The following CACNA1C variants were observed in gnomAD, a reference collection of about 807,000 sequenced individuals.
CACNA1C encodes voltage-dependent L-type calcium channel subunit alpha-1C.
In CACNA1C, 30 loss-of-function variants were observed where a neutral mutation model predicts 229.0. The ratio of observed to expected loss-of-function variants is 0.13; its 90% CI spans 0.10 to 0.18. CACNA1C has a LOEUF of 0.18. Among genes scored for constraint, CACNA1C ranks in the 10% least tolerant of loss-of-function variants. The probability of loss-of-function intolerance (pLI) is 1.00; values close to 1 mark genes in which losing one functional copy is unlikely to be tolerated. For missense variants in CACNA1C, 1,658 were observed against 2,845.0 expected (o/e 0.58, Z 9.49); for synonymous variants, 1,114 against 1,132.5 (o/e 0.98, Z 0.33).
chr12:2,603,822 C>T (rs559160980), intron 22 of CACNA1C: 3 of 152,312 alleles, frequency 2.0e-5, no homozygotes, highest in South Asian at 2.1e-4. Flanking sequence ...ATTTATTTAA[C>T]GTGTATACAC....
intron 28 of CACNA1C, 90 bp from the exon 29 acceptor site, chr12:2,611,813 C>A: frequency 1.3e-6 from 1 of 763,064 alleles, no homozygotes. Context: ...CTTGCTGAGG[C>A]GAGGGCCTTC....
At chr12:2,480,491 G>A (rs1258780440) in intron 5 of CACNA1C, among the ~76,000 whole-genome samples, 1 of 152,208 alleles carries the variant, frequency 6.6e-6, no homozygotes, top group Non-Finnish European at 1.5e-5. Flanking sequence ...AGCTCTGTGA[G>A]GGCAAGGCCT....
chr12:2,195,411 T>C (rs1008192474), intron 3 of CACNA1C, among the ~76,000 whole-genome samples: 1 of 152,222 alleles, frequency 6.6e-6, no homozygotes, highest in African/African-American at 2.4e-5. Flanking sequence ...TCTCTGGGCC[T>C]CAGTTTCTCC....
chr12:2,696,668 G>A lies in CACNA1C; in HGVS notation c.*5469G>A, dbSNP rs1361701251. 1.3e-5 allele frequency: 2 copies of A among 151,686 alleles called. No homozygotes were observed. The highest frequency in any genetic ancestry group is 4.8e-5 in the African/African-American group (2 of 41,258). The allele number at this position is 151,686 out of a possible 1,614,324, so 9.4% of individuals were successfully genotyped here. A position where few individuals can be genotyped will look rare whatever the true frequency, so the allele number is the denominator to read the frequency against. On this transcript the variant is annotated 3_prime_UTR_variant, in exon 47 of 47. Coordinates refer to ENST00000399655, the MANE Select transcript of CACNA1C (RefSeq NM_000719.7). ...AGTTTTAAGAGAGGGTCATTTCTATGTGAGGAAATGCAGAAATGGACAGAA... is the reference window on the plus strand; with the variant it reads ...AGTTTTAAGAGAGGGTCATTTCTATATGAGGAAATGCAGAAATGGACAGAA...
chr12:2,096,993 G>C (rs1009609091), intron 1 of CACNA1C, among the ~76,000 whole-genome samples: 28 of 152,096 alleles, frequency 1.8e-4, no homozygotes, highest in Admixed American at 1.8e-3. Flanking sequence ...CGGACACTTG[G>C]GTTGTTTCTA....
chr12:2,584,943 G>T (rs1015651946), intron 16 of CACNA1C, among the ~76,000 whole-genome samples: 2 of 152,184 alleles, frequency 1.3e-5, no homozygotes, highest in African/African-American at 4.8e-5. Context: ...CGCAGCTCCA[G>T]CTTACAGAGG....
chr12:2,368,734 AG>A (rs1267584401), intron 3 of CACNA1C, among the ~76,000 whole-genome samples: 1 of 152,218 alleles, frequency 6.6e-6, no homozygotes, highest in African/African-American at 2.4e-5. Context: ...TCAACAGCCC[AG>A]GGTGTATTTT....
At chr12:2,400,616 G>A (rs1167280344) in intron 3 of CACNA1C, among the ~76,000 whole-genome samples, 1 of 152,134 alleles carries the variant, frequency 6.6e-6, no homozygotes, top group Non-Finnish European at 1.5e-5. Context: ...CATCTTCTCT[G>A]AACACCTCAG....
At chr12:2,452,584 A>G (rs573478432) in intron 4 of CACNA1C, among the ~76,000 whole-genome samples, 2 of 152,280 alleles carry the variant, frequency 1.3e-5, no homozygotes, top group East Asian at 1.9e-4. Context: ...ACCCTCAGGG[A>G]CCAGTGGGCA....
intron 3 of CACNA1C, among the ~76,000 whole-genome samples, chr12:2,332,271 A>G (rs1396891203): frequency 6.6e-6 from 1 of 152,234 alleles, no homozygotes; most frequent in Non-Finnish European, 1.5e-5. Flanking sequence ...AATGTTAGCA[A>G]TTGGACCATC....
At position 2,215,816 on chromosome 12, in the gene CACNA1C, A is replaced by AGGCC. The variant is rs1050982147; in HGVS notation, c.477+95387_477+95390dup. 1.3e-5 allele frequency among the ~76,000 whole-genome samples: 2 copies of AGGCC among 152,242 alleles called. No individual in the cohort carries two copies. Among genetic ancestry groups the AGGCC allele is most frequent in the African/African-American group, 4.8e-5 (2 of 41,464 alleles). On this transcript the variant is annotated intron_variant, in intron 3 of 46. Transcript: ENST00000399655. The surrounding 1 kb of genome is among the most constrained non-coding windows in gnomAD (Gnocchi z 5.0). ...GTGAGTTGAAGGGCCCTGGAGCCCC[A>AGGCC]GGCCTGCCTGCCTGGGGAGCAGCTG...
At chr12:2,543,456 C>T (rs754245877) in intron 9 of CACNA1C, among the ~76,000 whole-genome samples, 6 of 152,202 alleles carry the variant, frequency 3.9e-5, no homozygotes, top group Non-Finnish European at 8.8e-5. Flanking sequence ...ACAATTTGGA[C>T]ATTCAGCTTC....
intron 3 of CACNA1C, among the ~76,000 whole-genome samples, chr12:2,374,127 A>T (rs2097954012): frequency 6.6e-6 from 1 of 152,194 alleles, no homozygotes; most frequent in Non-Finnish European, 1.5e-5. Flanking sequence ...TAGACAGTAG[A>T]CTAGTAGTCT....
At position 2,403,494 on chromosome 12, in the gene CACNA1C, C is replaced by T. The variant is rs930698990; in HGVS notation, c.478-45482C>T. Among the ~76,000 whole-genome samples the T allele has an allele frequency of 4.6e-5, 7 of 152,118 alleles. No homozygotes were observed. Among genetic ancestry groups the T allele is most frequent in the Non-Finnish European group, 7.4e-5 (5 of 68,024 alleles). On this transcript the variant is annotated intron_variant, in intron 3 of 46. Coordinates refer to ENST00000399655, the MANE Select transcript of CACNA1C (RefSeq NM_000719.7). The surrounding 1 kb of genome is among the most constrained non-coding windows in gnomAD (Gnocchi z 4.1). ...CACCTCTCACCAGCTCTGCAAGGCC[C>T]GGAGCTGCCATCCCAAGGCTGCTTT...
chr12:2,545,855 G>A (rs945066622), intron 9 of CACNA1C, among the ~76,000 whole-genome samples: 3 of 152,212 alleles, frequency 2.0e-5, no homozygotes, highest in African/African-American at 7.2e-5. Flanking sequence ...GATGAAATGG[G>A]AAAACTCTAT....
In CACNA1C at chr12:2,145,868, T is replaced by G. The variant is rs974597099; in HGVS notation, c.477+25438T>G. ...CCTGCAGTGTAGAGGAAAATGCTGA[T>G]CCACACCAGAAATGCGAACCTGGCT... is the stretch of plus-strand genomic sequence containing the variant. On this transcript the variant is annotated intron_variant, in intron 3 of 46. Transcript: ENST00000399655. Among the ~76,000 whole-genome samples, 6 of 151,182 alleles carry G rather than the reference T, an allele frequency of 4.0e-5. 1 individual carries two copies. Among genetic ancestry groups the G allele is most frequent in the Non-Finnish European group, 7.4e-5 (5 of 67,606 alleles).
Position 2,023,401 on chromosome 12 carries a change from T to C in CACNA1C, c.139+52200T>C, listed in dbSNP as rs555524196. On this transcript the variant is annotated intron_variant, in intron 1 of 46. Coordinates refer to the CACNA1C transcript ENST00000682462. The stretch of plus-strand genomic sequence containing the variant: ...CTTTTACATTTTTGGCTTTTATCAC[T>C]TTCTACTCCTCAGACACTGTGTCTC... 2.0e-5 allele frequency among the ~76,000 whole-genome samples: 3 copies of C among 152,322 alleles called. No individual in the cohort carries two copies. The East Asian group carries it at 5.8e-4, about 29-fold the overall frequency.
At chr12:2,365,342 T>C (rs944191621) in intron 3 of CACNA1C, among the ~76,000 whole-genome samples, 2 of 152,260 alleles carry the variant, frequency 1.3e-5, no homozygotes, top group Non-Finnish European at 2.9e-5. Flanking sequence ...CTTTCTTTTA[T>C]TGTAGGTCTA....
chr12:2,646,766 G>A lies in CACNA1C; in HGVS notation c.3913-1709G>A, dbSNP rs866339070. Among the ~76,000 whole-genome samples, 2 of 42,128 alleles carry A rather than the reference G, an allele frequency of 4.7e-5. No individual in the cohort carries two copies. Among genetic ancestry groups the A allele is most frequent in the African/African-American group, 8.6e-5 (1 of 11,656 alleles). 27.6% of individuals were successfully genotyped at this position (42,128 alleles called of 152,430 possible). The stretch of plus-strand genomic sequence containing the variant: ...CATGCCTGTATGAGAGAGAGAGAGA[G>A]AAAGAGAGAGAGAGAGAGAGAGAGT... On this transcript the variant is annotated intron_variant, in intron 30 of 46. Coordinates refer to ENST00000399655, the MANE Select transcript of CACNA1C (RefSeq NM_000719.7). This position sits in a 1 kb window ranked among gnomAD's most constrained non-coding sequence, Gnocchi z 4.6.
Sources: gnomAD v4.1 joint callset for allele counts (sites outside exome capture counted in the v4.1 genomes callset) on GRCh38, gnomAD v4.1.1 for gene constraint, Gnocchi (gnomAD v3.1) non-coding constraint, MANE v1.5 for transcripts, NCBI Gene and HGNC (gene_info 2026-07-23, HGNC 2026-07-21) for gene names.